PELI2: variants seen among roughly 807,000 people sequenced by gnomAD.
The protein encoded by PELI2 is pellino E3 ubiquitin protein ligase family member 2.
A neutral mutation model predicts 42.3 loss-of-function variants in PELI2; 23 were observed. The observed-to-expected ratio is 0.54, with a 90% CI of 0.39 to 0.77. PELI2 has a LOEUF of 0.77. Among genes scored for constraint, PELI2 ranks in the 30% least tolerant of loss-of-function variants. PELI2 has a pLI of 0.00. For missense variants in PELI2, 463 were observed against 553.2 expected (o/e 0.84, Z 1.64); for synonymous variants, 245 against 212.2 (o/e 1.15, Z -1.34).
At position 56,296,747 on chromosome 14, in the gene PELI2, C is replaced by A; in HGVS notation, c.844C>A (p.Pro282Thr). 1 of 1,614,112 alleles carries A rather than the reference C, an allele frequency of 6.2e-7. No individual in the cohort carries two copies. Among genetic ancestry groups the A allele is most frequent in the South Asian group, 1.1e-5 (1 of 91,078 alleles). ...ALRQEINAARPQCPVGLNTLA... is the reference protein window; with the variant it reads ...ALRQEINAARTQCPVGLNTLA... ...CCGGCAGGAGATTAACGCCGCCCGG[C>A]CTCAGTGTCCTGTGGGGCTCAACAC... The change falls in exon 6 of 6, where the codon CCT becomes ACT. Residue 282 changes from proline (P) to threonine (T), a missense_variant. Pro to Thr is a conservative substitution (Grantham distance 38). This residue lies in a region of PELI2 where 343 missense variants were observed against 378.4 expected (regional missense o/e 0.91). Coordinates refer to ENST00000267460, the MANE Select transcript of PELI2 (RefSeq NM_021255.3).
intron 2 of PELI2, among the ~76,000 whole-genome samples, chr14:56,267,044 A>G (rs934518545): frequency 6.6e-6 from 1 of 152,112 alleles, no homozygotes; most frequent in African/African-American, 2.4e-5. Context: ...AGGATATATA[A>G]GAAACTAGTA....
At chr14:56,181,090 T>C (rs529044362) in intron 2 of PELI2, among the ~76,000 whole-genome samples, 1 of 152,194 alleles carries the variant, frequency 6.6e-6, no homozygotes, top group Non-Finnish European at 1.5e-5. Flanking sequence ...TTCCCACTGA[T>C]ATGGTGCTCC....
At chr14:56,225,840 A>AGG (rs777058358) in intron 2 of PELI2, among the ~76,000 whole-genome samples, 1 of 152,206 alleles carries the variant, frequency 6.6e-6, no homozygotes, top group Non-Finnish European at 1.5e-5. Context: ...CAAGGTGGGC[A>AGG]GGGGGTCCCT....
chr14:56,216,029 G>T (rs958982854), intron 2 of PELI2, among the ~76,000 whole-genome samples: 3 of 152,104 alleles, frequency 2.0e-5, no homozygotes, highest in Non-Finnish European at 4.4e-5. Flanking sequence ...GCTTAATCTG[G>T]CTTATATTTT....
intron 2 of PELI2, among the ~76,000 whole-genome samples, chr14:56,191,601 G>A (rs906229908): frequency 6.6e-6 from 1 of 152,116 alleles, no homozygotes; most frequent in Non-Finnish European, 1.5e-5. Flanking sequence ...TTGCCCAAAG[G>A]GTGTTGCTAG....
intron 2 of PELI2, among the ~76,000 whole-genome samples, chr14:56,208,055 T>G (rs1369986072): frequency 6.6e-6 from 1 of 152,202 alleles, no homozygotes; most frequent in Non-Finnish European, 1.5e-5. Flanking sequence ...GTGCCTACAT[T>G]CAAAGTGCTG....
At chr14:56,209,241 C>T (rs1227493935) in intron 2 of PELI2, among the ~76,000 whole-genome samples, 1 of 152,230 alleles carries the variant, frequency 6.6e-6, no homozygotes, top group Non-Finnish European at 1.5e-5. Flanking sequence ...TTTCAGACTC[C>T]ACATTGCAAC....
At chr14:56,179,111 C>T (rs559307181) in intron 2 of PELI2, among the ~76,000 whole-genome samples, 6 of 151,954 alleles carry the variant, frequency 3.9e-5, no homozygotes, top group South Asian at 2.1e-4. Flanking sequence ...ATCTATAAGT[C>T]GAGGAAAAAA....
chr14:56,149,123 G>A (rs543995971), intron 1 of PELI2, among the ~76,000 whole-genome samples: 33 of 152,200 alleles, frequency 2.2e-4, no homozygotes, highest in Admixed American at 7.8e-4. Flanking sequence ...TTTCAACTAG[G>A]GTTTAAATCT....
intron 1 of PELI2, among the ~76,000 whole-genome samples, chr14:56,176,545 A>G (rs1294407367): frequency 6.6e-6 from 1 of 152,150 alleles, no homozygotes; most frequent in Admixed American, 6.5e-5. Context: ...TCACTTGACC[A>G]AAGCAAAGGG....
At chr14:56,140,628 T>C (rs1054155721) in intron 1 of PELI2, among the ~76,000 whole-genome samples, 1 of 152,258 alleles carries the variant, frequency 6.6e-6, no homozygotes, top group Non-Finnish European at 1.5e-5. Flanking sequence ...TTTAAGAGGA[T>C]GTTTGTCAAC....
chr14:56,283,585 A>G (rs1490871371), intron 3 of PELI2, among the ~76,000 whole-genome samples: 1 of 152,218 alleles, frequency 6.6e-6, no homozygotes, highest in African/African-American at 2.4e-5. Context: ...CATGCTGAGA[A>G]TACTGATTTG....
At chr14:56,155,610 C>G (rs1421158039) in intron 1 of PELI2, among the ~76,000 whole-genome samples, 1 of 140,846 alleles carries the variant, frequency 7.1e-6, no homozygotes, top group Non-Finnish European at 1.5e-5. Flanking sequence ...GAGACGGAGT[C>G]TCGCTCTGTC....
chr14:56,230,851 G>A (rs7155890), intron 2 of PELI2, among the ~76,000 whole-genome samples: 60,830 of 151,948 alleles, frequency 0.4, 12,971 homozygotes, highest in South Asian at 0.53. Context: ...GTATTCAGGA[G>A]ACCCATCTCA....
intron 2 of PELI2, among the ~76,000 whole-genome samples, chr14:56,237,250 C>T (rs1339502978): frequency 6.6e-6 from 1 of 152,076 alleles, no homozygotes; most frequent in Admixed American, 6.5e-5. Flanking sequence ...TAGACAAACG[C>T]CCAGAAATGG....
At chr14:56,155,125 G>A (rs570974907) in intron 1 of PELI2, among the ~76,000 whole-genome samples, 1 of 152,056 alleles carries the variant, frequency 6.6e-6, no homozygotes, top group Non-Finnish European at 1.5e-5. Flanking sequence ...AAGACACGAG[G>A]CTTTTGTCAT....
At position 56,300,050 on chromosome 14, in the gene PELI2, A is replaced by T. The variant is rs1258234402; in HGVS notation, c.*2884A>T. On this transcript the variant is annotated 3_prime_UTR_variant, in exon 6 of 6. Transcript: ENST00000267460. ...TTCAGCTTTTAGCAAAAAGGGCTACAGTTCACCCTGCAGAGTATTAAGGTT... is the reference window on the plus strand; with the variant it reads ...TTCAGCTTTTAGCAAAAAGGGCTACTGTTCACCCTGCAGAGTATTAAGGTT... 1 of 152,754 alleles carries T rather than the reference A, an allele frequency of 6.5e-6. No homozygotes were observed. The highest frequency in any genetic ancestry group is 2.4e-5 in the African/African-American group (1 of 41,584). The allele number at this position is 152,754 out of a possible 1,614,324, so 9.5% of individuals were successfully genotyped here.
chr14:56,159,382 A>G (rs1260137307), intron 1 of PELI2, among the ~76,000 whole-genome samples: 3 of 152,222 alleles, frequency 2.0e-5, no homozygotes, highest in Admixed American at 6.5e-5. Context: ...TATAATACCA[A>G]CTGCCAGGCA....
intron 2 of PELI2, among the ~76,000 whole-genome samples, chr14:56,257,900 C>T (rs1484768894): frequency 1.3e-5 from 2 of 152,142 alleles, no homozygotes; most frequent in Non-Finnish European, 2.9e-5. Flanking sequence ...GATGAGGGGG[C>T]TTCATAGAGG....
Sources: gnomAD v4.1 joint callset for allele counts (sites outside exome capture counted in the v4.1 genomes callset) on GRCh38, gnomAD v4.1.1 for gene constraint, gnomAD v4.1.1 regional missense constraint, MANE v1.5 for transcripts, NCBI Gene and HGNC (gene_info 2026-07-23, HGNC 2026-07-21) for gene names.